NT5DC1: variants seen among roughly 807,000 people sequenced by gnomAD.
NT5DC1 encodes 5'-nucleotidase domain containing 1.
In NT5DC1, 42 loss-of-function variants were observed where a neutral mutation model predicts 59.4. That is an observed-to-expected ratio of 0.71 (90% CI 0.55 to 0.92). The LOEUF (loss-of-function observed/expected upper bound fraction) is 0.92, where lower values mean the gene tolerates loss of function less well. Among genes scored for constraint, NT5DC1 ranks in the 40% least tolerant of loss-of-function variants. The pLI is 0.00. For synonymous variants in NT5DC1, 172 were observed against 188.1 expected, an observed-to-expected ratio of 0.91 and a Z score of 0.70; for missense variants, 501 against 537.1, an observed-to-expected ratio of 0.93 and a Z score of 0.66.
At position 116,124,197 on chromosome 6, in the gene NT5DC1, G is replaced by A. The variant is rs1779223519; in HGVS notation, c.529+6252G>A. Among the ~76,000 whole-genome samples the A allele has an allele frequency of 2.0e-5, 3 of 151,948 alleles. No homozygotes were observed. In the South Asian group the frequency reaches 6.3e-4, roughly 32 times the overall value. On this transcript the variant is annotated intron_variant, in intron 6 of 11. Coordinates refer to ENST00000319550, the MANE Select transcript of NT5DC1 (RefSeq NM_152729.3). ...TCTTCTTAAAAAGACAATTCTATAA[G>A]TTTCATTGCTCAAAATGGTTGTTCC... is the stretch of plus-strand genomic sequence containing the variant.
At chr6:116,162,002 A>C (rs1240172804) in intron 6 of NT5DC1, among the ~76,000 whole-genome samples, 1 of 152,008 alleles carries the variant, frequency 6.6e-6, no homozygotes, top group Non-Finnish European at 1.5e-5. Context: ...CACCATCTTA[A>C]ATGTATTCCT....
chr6:116,217,621 ATAT>A (rs1047306680), intron 6 of NT5DC1, among the ~76,000 whole-genome samples: 2 of 152,106 alleles, frequency 1.3e-5, no homozygotes, highest in South Asian at 2.1e-4. Flanking sequence ...TACATGAATA[ATAT>A]TATTTTTATC....
At chr6:116,167,159 C>CAT (rs1252625202) in intron 6 of NT5DC1, among the ~76,000 whole-genome samples, 2 of 149,998 alleles carry the variant, frequency 1.3e-5, no homozygotes, top group East Asian at 3.9e-4. Context: ...ATAAAAGTGA[C>CAT]ATACTTTGTA....
intron 9 of NT5DC1, among the ~76,000 whole-genome samples, 184 bp downstream of exon 9, chr6:116,237,268 T>C (rs1782133943): frequency 6.6e-6 from 1 of 151,784 alleles, no homozygotes; most frequent in Non-Finnish European, 1.5e-5. Context: ...ATTTAGGGGG[T>C]GTATGAGTGT....
At chr6:116,174,715 A>G (rs1406168820) in intron 6 of NT5DC1, among the ~76,000 whole-genome samples, 1 of 152,178 alleles carries the variant, frequency 6.6e-6, no homozygotes, top group Non-Finnish European at 1.5e-5. Flanking sequence ...TCTAGCTCTC[A>G]TAACTTTTCT....
At chr6:116,200,184 A>G (rs1408315446) in intron 6 of NT5DC1, among the ~76,000 whole-genome samples, 6 of 152,036 alleles carry the variant, frequency 3.9e-5, no homozygotes, top group Admixed American at 1.3e-4. Context: ...AAGTCAGACA[A>G]ATCCCAATTG....
intron 6 of NT5DC1, among the ~76,000 whole-genome samples, chr6:116,154,440 A>G (rs1780129971): frequency 6.6e-6 from 1 of 152,092 alleles, no homozygotes; most frequent in African/African-American, 2.4e-5. Flanking sequence ...AGATTCACCC[A>G]AACACATTAT....
intron 6 of NT5DC1, among the ~76,000 whole-genome samples, chr6:116,128,233 T>G (rs1779374058): frequency 6.6e-6 from 1 of 152,182 alleles, no homozygotes; most frequent in South Asian, 2.1e-4. Flanking sequence ...TTGCAAATAG[T>G]GTACTTATTT....
At chr6:116,128,979 A>G (rs953153100) in intron 6 of NT5DC1, among the ~76,000 whole-genome samples, 3 of 152,182 alleles carry the variant, frequency 2.0e-5, no homozygotes, top group African/African-American at 4.8e-5. Context: ...AAATGCCTAT[A>G]TGCCTGTCAT....
chr6:116,204,647 A>G (rs930610456), intron 6 of NT5DC1, among the ~76,000 whole-genome samples: 2 of 152,016 alleles, frequency 1.3e-5, no homozygotes, highest in African/African-American at 4.8e-5. Context: ...ATATGTATAC[A>G]TGGACTCAGA....
rs1321655334 is a variant in NT5DC1, at chr6:116,125,425, T to G, written c.529+7480T>G. On this transcript the variant is annotated intron_variant, in intron 6 of 11. Coordinates refer to ENST00000319550, the MANE Select transcript of NT5DC1 (RefSeq NM_152729.3). ...TATGCCTGTGGGCATTTGGTATCGT[T>G]CAGCGTAAAACACTCCATGAACCAA... is the stretch of plus-strand genomic sequence containing the variant. 6.2e-6 allele frequency: 10 copies of G among 1,613,786 alleles called. No individual in the cohort carries two copies. Among genetic ancestry groups the G allele is most frequent in the Non-Finnish European group, 7.6e-6 (9 of 1,179,878 alleles).
intron 4 of NT5DC1, among the ~76,000 whole-genome samples, chr6:116,113,493 C>T (rs1162652223): frequency 6.6e-6 from 1 of 152,206 alleles, no homozygotes. Flanking sequence ...GCTGTCTCTT[C>T]TATACAGAGG....
Position 116,243,890 on chromosome 6 carries a change from A to ATT in NT5DC1, c.1253-11_1253-10dup. 1.0e-6 allele frequency: 1 copy of ATT among 982,018 alleles called. No homozygotes were observed. The highest frequency in any genetic ancestry group is 1.4e-5 in the South Asian group (1 of 69,240). 60.8% of individuals were successfully genotyped at this position (982,018 alleles called of 1,614,324 possible). A position where few individuals can be genotyped will look rare whatever the true frequency, so the allele number is the denominator to read the frequency against. On this transcript the variant is annotated intron_variant, in intron 11 of 11. Coordinates refer to ENST00000319550, the MANE Select transcript of NT5DC1 (RefSeq NM_152729.3). Reference sequence around the variant, plus strand: ...ATTCAGAGACCTGTGCAATAATTAAATTTTTTTTTCCTCCCCAGAATTACC... The same window carrying ATT: ...ATTCAGAGACCTGTGCAATAATTAAATTTTTTTTTTTCCTCCCCAGAATTACC...
intron 4 of NT5DC1, among the ~76,000 whole-genome samples, chr6:116,112,529 T>G (rs1443361354): frequency 6.6e-6 from 1 of 152,248 alleles, no homozygotes; most frequent in Non-Finnish European, 1.5e-5. Context: ...TGTATTTACC[T>G]TGCTCTTTTC....
chr6:116,145,772 TTTA>T (rs1398035065), intron 6 of NT5DC1, among the ~76,000 whole-genome samples: 2 of 152,230 alleles, frequency 1.3e-5, no homozygotes, highest in Non-Finnish European at 2.9e-5. Flanking sequence ...CAATTCATTT[TTTA>T]TTTAGTTTTT....
At chr6:116,197,523 G>GGTTTGTTTAAGTTTAAGAACAAAC (rs1781259686) in intron 6 of NT5DC1, among the ~76,000 whole-genome samples, 1 of 151,968 alleles carries the variant, frequency 6.6e-6, no homozygotes, top group African/African-American at 2.4e-5. Flanking sequence ...AAACAGCCAG[G>GGTTTGTTTAAGTTTAAGAACAAAC]TACAGCGGTT....
At chr6:116,237,192 T>G in intron 9 of NT5DC1, 108 bp downstream of exon 9, 1 of 696,816 alleles carries the variant, frequency 1.4e-6, no homozygotes, top group Non-Finnish European at 2.6e-6. Context: ...GCCTTTCCTT[T>G]GTCAATGTAG....
intron 6 of NT5DC1, among the ~76,000 whole-genome samples, chr6:116,139,863 C>T (rs1394794025): frequency 6.6e-6 from 1 of 152,188 alleles, no homozygotes; most frequent in Non-Finnish European, 1.5e-5. Context: ...CTTGAGTCTT[C>T]TGTCCCTCAT....
At chr6:116,120,663 G>A (rs2114281563) in intron 6 of NT5DC1, 2 of 1,546,184 alleles carry the variant, frequency 1.3e-6, no homozygotes, top group East Asian at 2.2e-5. Context: ...GGTCCATTGA[G>A]GCCCTTAGTT....
Sources: allele counts gnomAD v4.1 joint callset (sites outside exome capture counted in the v4.1 genomes callset), GRCh38; gene constraint gnomAD v4.1.1; transcripts MANE v1.5; gene names NCBI Gene and HGNC (gene_info 2026-07-23, HGNC 2026-07-21).